Variants in SCARB1 observed in about 807,000 individuals in gnomAD.
The protein encoded by SCARB1 is CD36 and LIMPII analogous 1.
In SCARB1, 30 loss-of-function variants were observed where a neutral mutation model predicts 57.2. The ratio of observed to expected loss-of-function variants is 0.52; its 90% CI spans 0.39 to 0.71. The LOEUF (loss-of-function observed/expected upper bound fraction) is 0.71. Among genes scored for constraint, SCARB1 ranks in the 30% least tolerant of loss-of-function variants. The pLI is 0.00. For missense variants in SCARB1, 543 were observed against 671.2 expected, an observed-to-expected ratio of 0.81 and a Z score of 2.11; for synonymous variants, 249 against 268.3, an observed-to-expected ratio of 0.93 and a Z score of 0.70.
chr12:124,800,309 G>T lies in SCARB1; in HGVS notation c.1010-67C>A. 1 of 1,219,376 alleles carries T rather than the reference G, an allele frequency of 8.2e-7. No homozygotes were observed. The highest frequency in any genetic ancestry group is 1.3e-5 in the South Asian group (1 of 79,050). The allele number at this position is 1,219,376 out of a possible 1,614,324, so 75.5% of individuals were successfully genotyped here. On this transcript the variant is annotated intron_variant, in intron 7 of 12. Coordinates refer to ENST00000261693, the MANE Select transcript of SCARB1 (RefSeq NM_005505.5). This position sits in a 1 kb window ranked among gnomAD's most constrained non-coding sequence, Gnocchi z 4.8. ...TATTGGCAGGTCCTGCCAGGCCGGA[G>T]GTCTGCACAGAGCTGTGGTCTGCAG... is the stretch of plus-strand genomic sequence containing the variant.
chr12:124,841,686 C>T lies in SCARB1; in HGVS notation c.126+21909G>A, dbSNP rs557244855. ...AACACAGCAGGCTCCTTCGCACCTC[C>T]GGCCTTTGAACCTGCTGTGCTCTTT... On this transcript the variant is annotated intron_variant, in intron 1 of 12. Transcript: ENST00000261693. 5.7e-4 allele frequency among the ~76,000 whole-genome samples: 86 copies of T among 152,196 alleles called. 1 individual carries two copies. The highest frequency in any genetic ancestry group is 2.0e-3 in the African/African-American group (83 of 41,542).
chr12:124,857,440 G>C (rs570004749), intron 1 of SCARB1, among the ~76,000 whole-genome samples: 3 of 152,278 alleles, frequency 2.0e-5, no homozygotes, highest in African/African-American at 4.8e-5. Context: ...TCCCTGGCTG[G>C]CCCTGGTGCC....
In SCARB1 at chr12:124,814,180, C is replaced by A. The variant is rs778973780; in HGVS notation, c.630+22G>T. The A allele has an allele frequency of 6.2e-7, 1 of 1,611,252 alleles. No homozygotes were observed. The highest frequency in any genetic ancestry group is 8.5e-7 in the Non-Finnish European group (1 of 1,177,450). ...ACAGGACACAGGCCTGAATCTTTGG[C>A]TTCTCACCAGGCCACACGTACCTCA... is the stretch of plus-strand genomic sequence containing the variant. On this transcript the variant is annotated intron_variant, in intron 4 of 12. Transcript: ENST00000261693. The surrounding 1 kb of genome is among the most constrained non-coding windows in gnomAD (Gnocchi z 4.7).
intron 1 of SCARB1, among the ~76,000 whole-genome samples, chr12:124,853,389 T>TGC (rs1340729208): frequency 8.1e-6 from 1 of 124,032 alleles, no homozygotes; most frequent in African/African-American, 2.9e-5. Flanking sequence ...TGCATAGTTT[T>TGC]GTTTTTTTTT....
chr12:124,853,603 C>T (rs1036922104), intron 1 of SCARB1, among the ~76,000 whole-genome samples: 9 of 152,084 alleles, frequency 5.9e-5, no homozygotes, highest in Admixed American at 3.9e-4. Flanking sequence ...CCATGTTGGC[C>T]AGGCTGGTCT....
rs1031384350 is a variant in SCARB1 at position 124,811,513 on chromosome 12, T to TC, written c.726+356dup. Among the ~76,000 whole-genome samples, 35 of 152,038 alleles carry TC rather than the reference T, an allele frequency of 2.3e-4. 1 individual carries two copies. Among genetic ancestry groups the TC allele is most frequent in the South Asian group, 1.0e-3 (5 of 4,810 alleles). On this transcript the variant is annotated intron_variant, in intron 5 of 12. Coordinates refer to ENST00000261693, the MANE Select transcript of SCARB1 (RefSeq NM_005505.5). Reference sequence around the variant, plus strand: ...GTCTCGAACTCCTGACCTCAGGTGATCCCCCCCACCTCGGCCTCCCAAAGT... The same window carrying TC: ...GTCTCGAACTCCTGACCTCAGGTGATCCCCCCCCACCTCGGCCTCCCAAAGT...
In SCARB1 at chr12:124,829,550, C is replaced by T. The variant is rs79633711; in HGVS notation, c.127-11843G>A. On this transcript the variant is annotated intron_variant, in intron 1 of 12. Transcript: ENST00000261693. ...TCTCCTCCCCCATTCCTATCTGCCTCGCTCACTCTGCTCCAGCCACACTGG... is the reference window on the plus strand; with the variant it reads ...TCTCCTCCCCCATTCCTATCTGCCTTGCTCACTCTGCTCCAGCCACACTGG... 0.044 allele frequency among the ~76,000 whole-genome samples: 5,821 copies of T among 132,110 alleles called. 750 individuals are homozygous for T. The East Asian group carries it at 0.5, about 11-fold the overall frequency. The allele number at this position is 132,110 out of a possible 152,430, so 86.7% of individuals were successfully genotyped here. A position where few individuals can be genotyped will look rare whatever the true frequency, so the allele number is the denominator to read the frequency against.
At chr12:124,821,461 G>A (rs878915568) in intron 1 of SCARB1, 35 of 984,496 alleles carry the variant, frequency 3.6e-5, no homozygotes, top group Middle Eastern at 5.2e-4. Context: ...GGATCCGGCC[G>A]CGTGTCCATG....
intron 9 of SCARB1, 44 bp downstream of exon 9, chr12:124,795,151 T>A (rs1469667557): frequency 2.7e-6 from 4 of 1,500,782 alleles, no homozygotes; most frequent in Non-Finnish European, 3.7e-6. Flanking sequence ...GAGCACCTAA[T>A]CTCTCAATGA....
intron 9 of SCARB1, among the ~76,000 whole-genome samples, chr12:124,791,954 A>T (rs917425743): frequency 7.1e-6 from 1 of 140,642 alleles, no homozygotes; most frequent in Non-Finnish European, 1.5e-5. Flanking sequence ...GATCCATCTT[A>T]AAAAAAAAAA....
chr12:124,851,893 C>T (rs886711122), intron 1 of SCARB1, among the ~76,000 whole-genome samples: 3 of 152,124 alleles, frequency 2.0e-5, no homozygotes, highest in African/African-American at 7.2e-5. Flanking sequence ...AGGCATGACA[C>T]CTGTAATCCT....
chr12:124,815,798 G>A (rs1594280993), intron 2 of SCARB1, among the ~76,000 whole-genome samples: 2 of 152,114 alleles, frequency 1.3e-5, no homozygotes, highest in African/African-American at 2.4e-5. Context: ...CCTGGGGGGC[G>A]GACGTTGCAG....
In SCARB1 at chr12:124,817,074, ATG is replaced by A. The variant is rs925320876; in HGVS notation, c.284+474_284+475del. ...TATGTGTGTATGCATGTGTAGGTAC[ATG>A]TGTGTGTATGTATGTGTGTGTGTAT... On this transcript the variant is annotated intron_variant, in intron 2 of 12. Coordinates refer to ENST00000261693, the MANE Select transcript of SCARB1 (RefSeq NM_005505.5). The surrounding 1 kb of genome is among the most constrained non-coding windows in gnomAD (Gnocchi z 4.8). Among the ~76,000 whole-genome samples, 21 of 147,038 alleles carry A rather than the reference ATG, an allele frequency of 1.4e-4. No individual in the cohort carries two copies. Among genetic ancestry groups the A allele is most frequent in the Admixed American group, 1.2e-3 (18 of 14,992 alleles).
At chr12:124,862,652 T>A (rs1042583856) in intron 1 of SCARB1, among the ~76,000 whole-genome samples, 1 of 151,060 alleles carries the variant, frequency 6.6e-6, no homozygotes, top group Non-Finnish European at 1.5e-5. Flanking sequence ...TTGATAAGAG[T>A]GAGCCCCAGT....
chr12:124,826,095 G>A (rs1951146552), intron 1 of SCARB1, among the ~76,000 whole-genome samples: 1 of 152,064 alleles, frequency 6.6e-6, no homozygotes, highest in Non-Finnish European at 1.5e-5. Flanking sequence ...CACTTTGGGA[G>A]GCCGAGGTGG....
intron 12 of SCARB1, among the ~76,000 whole-genome samples, chr12:124,782,265 T>C (rs974025088): frequency 2.6e-5 from 4 of 152,172 alleles, no homozygotes; most frequent in African/African-American, 9.7e-5. Flanking sequence ...AGAATCTCAT[T>C]AGGGTCCATT....
rs1407617721 is a variant in SCARB1 at position 124,814,410 on chromosome 12, A to G, written c.427-5T>C. On this transcript the variant is annotated splice_polypyrimidine_tract_variant and splice_region_variant and intron_variant, in intron 3 of 12. Coordinates refer to ENST00000261693, the MANE Select transcript of SCARB1 (RefSeq NM_005505.5). The surrounding 1 kb of genome is among the most constrained non-coding windows in gnomAD (Gnocchi z 4.7). ...CTCCATCATCACCGCCGCACCCTGC[A>G]AGGCGAAGGGACACTAGTGTCAGAG... 1.2e-6 allele frequency: 2 copies of G among 1,612,944 alleles called. No homozygotes were observed. The highest frequency in any genetic ancestry group is 2.7e-5 in the African/African-American group (2 of 74,892).
intron 1 of SCARB1, among the ~76,000 whole-genome samples, chr12:124,857,975 T>C (rs1166160339): frequency 2.0e-5 from 3 of 152,180 alleles, no homozygotes; most frequent in Admixed American, 2.0e-4. Context: ...TGGGCCTTCC[T>C]TGGAGGACCA....
Position 124,778,446 on chromosome 12 carries a change from G to A in SCARB1, c.*141C>T, listed in dbSNP as rs906148755. ...AGGGCGTGTGTGCAGGTGTGCAACAGGCACATGGCAGCTGGGAGGCTCAGG... is the reference window on the plus strand; with the variant it reads ...AGGGCGTGTGTGCAGGTGTGCAACAAGCACATGGCAGCTGGGAGGCTCAGG... On this transcript the variant is annotated 3_prime_UTR_variant, in exon 13 of 13. Transcript: ENST00000261693. The A allele has an allele frequency of 4.7e-5, 62 of 1,323,338 alleles. No homozygotes were observed. Among genetic ancestry groups the A allele is most frequent in the Non-Finnish European group, 5.7e-5 (59 of 1,034,554 alleles). 82.0% of individuals were successfully genotyped at this position (1,323,338 alleles called of 1,614,324 possible). A position where few individuals can be genotyped will look rare whatever the true frequency, so the allele number is the denominator to read the frequency against.
Sources: allele counts gnomAD v4.1 joint callset (sites outside exome capture counted in the v4.1 genomes callset), GRCh38; gene constraint gnomAD v4.1.1; non-coding constraint Gnocchi (gnomAD v3.1); transcripts MANE v1.5; gene names NCBI Gene and HGNC (gene_info 2026-07-23, HGNC 2026-07-21).